The following CEP70 variants were observed in gnomAD, a reference collection of about 807,000 sequenced individuals.
The protein encoded by CEP70 is centrosomal protein 70.
In CEP70, 70 loss-of-function variants were observed where a neutral mutation model predicts 90.9. The ratio of observed to expected loss-of-function variants is 0.77; its 90% CI spans 0.64 to 0.94. The LOEUF (loss-of-function observed/expected upper bound fraction) is 0.94, where lower values mean the gene tolerates loss of function less well. Ranked by LOEUF, CEP70 falls within the 40% of genes least tolerant of loss-of-function variation. The pLI, the probability that CEP70 is intolerant of heterozygous loss-of-function variation, is 0.00. For synonymous variants in CEP70, 220 were observed against 228.3 expected, an observed-to-expected ratio of 0.96 and a Z score of 0.33; for missense variants, 648 against 669.0, an observed-to-expected ratio of 0.97 and a Z score of 0.35.
At chr3:138,565,907 A>T (rs1425066780) in intron 6 of CEP70, among the ~76,000 whole-genome samples, 3 of 152,152 alleles carry the variant, frequency 2.0e-5, no homozygotes, top group African/African-American at 7.2e-5. Flanking sequence ...ATGGGGGAAA[A>T]TTTTTGCAAT....
At chr3:138,536,513 T>C (rs934531315) in intron 7 of CEP70, among the ~76,000 whole-genome samples, 9 of 152,048 alleles carry the variant, frequency 5.9e-5, no homozygotes, top group Non-Finnish European at 7.4e-5. Flanking sequence ...CTTGACTGCA[T>C]ACATAGTGGA....
At chr3:138,501,218 G>A (rs2034484497) in intron 13 of CEP70, among the ~76,000 whole-genome samples, 1 of 151,936 alleles carries the variant, frequency 6.6e-6, no homozygotes, top group African/African-American at 2.4e-5. Flanking sequence ...ATTTTGAATT[G>A]TTGATACACA....
intron 11 of CEP70, among the ~76,000 whole-genome samples, chr3:138,514,152 G>A (rs921123418): frequency 2.0e-5 from 3 of 152,084 alleles, no homozygotes; most frequent in Admixed American, 1.3e-4. Context: ...CTTTCTTGGG[G>A]GCTTTGGAAT....
intron 10 of CEP70, among the ~76,000 whole-genome samples, chr3:138,528,617 T>A (rs1186905052): frequency 6.6e-6 from 1 of 152,184 alleles, no homozygotes; most frequent in Non-Finnish European, 1.5e-5. Flanking sequence ...TCCAGTACTT[T>A]GGGAATTCTG....
chr3:138,590,692 T>G (rs934423001), intron 2 of CEP70, among the ~76,000 whole-genome samples: 2 of 150,700 alleles, frequency 1.3e-5, no homozygotes, highest in Non-Finnish European at 2.9e-5. Context: ...GTGCCTATAA[T>G]CCCAGCTACT....
At chr3:138,582,184 TAC>T (rs1440757366) in intron 2 of CEP70, among the ~76,000 whole-genome samples, 1 of 152,090 alleles carries the variant, frequency 6.6e-6, no homozygotes, top group East Asian at 1.9e-4. Flanking sequence ...TAATCAAAAG[TAC>T]ACAGAGTCTG....
chr3:138,522,294 T>TAAAA (rs71626068), intron 11 of CEP70, among the ~76,000 whole-genome samples: 163 of 105,714 alleles, frequency 1.5e-3, no homozygotes, highest in African/African-American at 5.3e-3. Context: ...CTAAAAAAAT[T>TAAAA]AAAAAAAAAA....
chr3:138,569,790 T>C (rs957171981), intron 6 of CEP70, among the ~76,000 whole-genome samples: 1 of 152,088 alleles, frequency 6.6e-6, no homozygotes, highest in African/African-American at 2.4e-5. Flanking sequence ...ATCACTTGAG[T>C]GCAGGAGGCA....
At chr3:138,541,714 A>T (rs2038782520) in intron 6 of CEP70, among the ~76,000 whole-genome samples, 1 of 152,238 alleles carries the variant, frequency 6.6e-6, no homozygotes, top group African/African-American at 2.4e-5. Flanking sequence ...TATGAATACT[A>T]AAAGACAAAT....
intron 6 of CEP70, among the ~76,000 whole-genome samples, chr3:138,559,017 T>A (rs1374363781): frequency 6.6e-6 from 1 of 152,208 alleles, no homozygotes; most frequent in Non-Finnish European, 1.5e-5. Context: ...AAACACCACC[T>A]CTATCTTGTT....
chr3:138,586,446 T>C (rs887171026), intron 2 of CEP70, among the ~76,000 whole-genome samples: 14 of 152,194 alleles, frequency 9.2e-5, no homozygotes, highest in African/African-American at 2.4e-4. Context: ...GACAGACAAA[T>C]GGATAAAGAA....
intron 2 of CEP70, among the ~76,000 whole-genome samples, chr3:138,575,166 G>A (rs1004203551): frequency 2.0e-5 from 3 of 152,134 alleles, no homozygotes; most frequent in Admixed American, 1.3e-4. Context: ...AGCTAAAGGA[G>A]GATGTTCAAA....
At chr3:138,573,801 A>C (rs1281961269) in intron 2 of CEP70, among the ~76,000 whole-genome samples, 2 of 152,216 alleles carry the variant, frequency 1.3e-5, no homozygotes, top group Non-Finnish European at 2.9e-5. Flanking sequence ...TTTACAATGG[A>C]GGTGGACACT....
At chr3:138,550,288 C>A (rs1243225671) in intron 6 of CEP70, among the ~76,000 whole-genome samples, 1 of 152,070 alleles carries the variant, frequency 6.6e-6, no homozygotes, top group Non-Finnish European at 1.5e-5. Context: ...AGGGTGAAGT[C>A]CAACTTTTAA....
At chr3:138,523,671 C>T (rs61258082) in intron 11 of CEP70, among the ~76,000 whole-genome samples, 10,817 of 152,068 alleles carry the variant, frequency 0.071, 789 homozygotes, top group East Asian at 0.38. Context: ...TTACAAGGAA[C>T]GTGAAGGACC....
intron 10 of CEP70, among the ~76,000 whole-genome samples, chr3:138,528,013 C>CA (rs778963528): frequency 0.025 from 1,579 of 62,742 alleles, 19 homozygotes; most frequent in African/African-American, 0.065. Flanking sequence ...TTTTTAAAAG[C>CA]AAAAAAAAAA....
At chr3:138,539,585 A>G (rs1432577150) in intron 6 of CEP70, among the ~76,000 whole-genome samples, 1 of 152,208 alleles carries the variant, frequency 6.6e-6, no homozygotes, top group Non-Finnish European at 1.5e-5. Context: ...CAAGCAGAGG[A>G]AAGAATCAGT....
chr3:138,518,032 T>G (rs1345742173), intron 11 of CEP70, among the ~76,000 whole-genome samples: 1 of 152,204 alleles, frequency 6.6e-6, no homozygotes, highest in African/African-American at 2.4e-5. Context: ...ACCAGGAGAT[T>G]ATATCCCGCA....
intron 6 of CEP70, among the ~76,000 whole-genome samples, chr3:138,564,934 A>T (rs1222131765): frequency 6.6e-6 from 1 of 152,212 alleles, no homozygotes; most frequent in Non-Finnish European, 1.5e-5. Flanking sequence ...ACATGATTGT[A>T]TATTTAGAAA....
Sources: allele counts gnomAD v4.1 joint callset (sites outside exome capture counted in the v4.1 genomes callset), GRCh38; gene constraint gnomAD v4.1.1; transcripts MANE v1.5; gene names NCBI Gene and HGNC (gene_info 2026-07-23, HGNC 2026-07-21).